EPB41L4A: variants seen among roughly 807,000 people sequenced by gnomAD.
EPB41L4A encodes the protein band 4.1-like protein 4A.
Under a neutral mutation model 108.6 loss-of-function variants are expected in EPB41L4A, and 100 were observed. The ratio of observed to expected loss-of-function variants is 0.92; its 90% CI spans 0.78 to 1.09. The LOEUF is 1.09. EPB41L4A is among the 50% of genes least tolerant of loss of function. The pLI is 0.00. For synonymous variants in EPB41L4A, 319 were observed against 289.0 expected (o/e 1.10, Z -1.05); for missense variants, 1,030 against 842.7 (o/e 1.22, Z -2.75).
chr5:112,392,401 C>CAAAAAAAAAAA (rs56256606), intron 1 of EPB41L4A, among the ~76,000 whole-genome samples: 9 of 35,902 alleles, frequency 2.5e-4, no homozygotes, highest in African/African-American at 6.0e-4. Context: ...AAATGGAAAG[C>CAAAAAAAAAAA]AAAAAAAAAA....
chr5:112,371,600 G>C (rs78410278), intron 1 of EPB41L4A, among the ~76,000 whole-genome samples: 5,125 of 152,182 alleles, frequency 0.034, 151 homozygotes, highest in African/African-American at 0.078. Context: ...CAGTCAGAAT[G>C]TCCAAGGACA....
At chr5:112,207,284 G>C (rs763783916) in intron 13 of EPB41L4A, among the ~76,000 whole-genome samples, 19 of 152,190 alleles carry the variant, frequency 1.2e-4, no homozygotes, top group Non-Finnish European at 2.5e-4. Context: ...ACTCAAGATA[G>C]ATTAAGAACT....
At chr5:112,385,257 A>G (rs888525335) in intron 1 of EPB41L4A, among the ~76,000 whole-genome samples, 4 of 152,348 alleles carry the variant, frequency 2.6e-5, no homozygotes, top group Non-Finnish European at 2.9e-5. Context: ...AGCTGTATCA[A>G]TTGGGGACCC....
At chr5:112,282,235 G>A (rs1399400930) in intron 2 of EPB41L4A, among the ~76,000 whole-genome samples, 10 of 152,212 alleles carry the variant, frequency 6.6e-5, no homozygotes, top group African/African-American at 2.4e-4. Flanking sequence ...GTTAAGCTGT[G>A]TGTTGGACAC....
At chr5:112,378,899 C>G (rs1759989744) in intron 1 of EPB41L4A, among the ~76,000 whole-genome samples, 1 of 152,180 alleles carries the variant, frequency 6.6e-6, no homozygotes, top group South Asian at 2.1e-4. Flanking sequence ...CTAACCCACA[C>G]TATTTTTGTA....
intron 1 of EPB41L4A, among the ~76,000 whole-genome samples, chr5:112,367,218 A>C (rs2112519499): frequency 6.6e-6 from 1 of 152,322 alleles, no homozygotes; most frequent in Non-Finnish European, 1.5e-5. Flanking sequence ...CACAGGCAAG[A>C]ACCTAACTCC....
chr5:112,371,921 G>A (rs1396874020), intron 1 of EPB41L4A, among the ~76,000 whole-genome samples: 1 of 152,084 alleles, frequency 6.6e-6, no homozygotes, highest in Non-Finnish European at 1.5e-5. Context: ...AGGGTGTGGT[G>A]GCATGCATCT....
chr5:112,349,159 C>T (rs1271765713), intron 1 of EPB41L4A, among the ~76,000 whole-genome samples: 1 of 152,004 alleles, frequency 6.6e-6, no homozygotes. Flanking sequence ...GGTGTGAGTG[C>T]CAGACAGAAA....
intron 12 of EPB41L4A, among the ~76,000 whole-genome samples, chr5:112,230,675 G>A (rs1282223790): frequency 6.6e-6 from 1 of 151,452 alleles, no homozygotes; most frequent in East Asian, 1.9e-4. Context: ...CAGTCTGTGG[G>A]TTGACTGTTT....
chr5:112,385,754 T>G (rs1162841668), intron 1 of EPB41L4A, among the ~76,000 whole-genome samples: 1 of 152,132 alleles, frequency 6.6e-6, no homozygotes, highest in Non-Finnish European at 1.5e-5. Context: ...CTCCCCAATA[T>G]ATTTTTTTAC....
chr5:112,271,226 A>G (rs1561529039), intron 4 of EPB41L4A, among the ~76,000 whole-genome samples: 1 of 152,218 alleles, frequency 6.6e-6, no homozygotes, highest in Non-Finnish European at 1.5e-5. Flanking sequence ...AGCACCTACA[A>G]TAAGAAGGAT....
intron 18 of EPB41L4A, among the ~76,000 whole-genome samples, chr5:112,177,733 C>G (rs1760941031): frequency 6.6e-6 from 1 of 151,934 alleles, no homozygotes; most frequent in Non-Finnish European, 1.5e-5. Context: ...TTAAATGTTA[C>G]AATATTCATC....
intron 12 of EPB41L4A, among the ~76,000 whole-genome samples, chr5:112,150,418 A>C (rs962381728): frequency 2.0e-5 from 3 of 152,206 alleles, no homozygotes; most frequent in Non-Finnish European, 4.4e-5. Context: ...GTGCATAACA[A>C]AAAAGCAAAA....
Position 112,250,387 on chromosome 5 carries a change from T to G in EPB41L4A, c.795+8842A>C, listed in dbSNP as rs546847644. On this transcript the variant is annotated intron_variant, in intron 9 of 22. Transcript: ENST00000261486. ...ACAGATATGAACATAGAAGTCCAAA[T>G]GGATTTTTCTGTGATAGTTTTCTAT... Among the ~76,000 whole-genome samples, 12 of 152,316 alleles carry G rather than the reference T, an allele frequency of 7.9e-5. No homozygotes were observed. In the South Asian group the frequency reaches 2.5e-3, roughly 32 times the overall value.
intron 12 of EPB41L4A, among the ~76,000 whole-genome samples, chr5:112,217,426 C>T (rs1747729774): frequency 6.6e-6 from 1 of 152,166 alleles, no homozygotes; most frequent in Non-Finnish European, 1.5e-5. Context: ...GGGCTGAATA[C>T]AGTAGCTCAC....
At chr5:112,189,597 T>TA (rs915231131) in intron 17 of EPB41L4A, among the ~76,000 whole-genome samples, 20 of 152,286 alleles carry the variant, frequency 1.3e-4, no homozygotes, top group African/African-American at 4.8e-4. Context: ...TTCCTCTAGT[T>TA]CTACTATTAC....
At chr5:112,319,184 G>A (rs539486778) in intron 1 of EPB41L4A, among the ~76,000 whole-genome samples, 4 of 152,246 alleles carry the variant, frequency 2.6e-5, no homozygotes, top group East Asian at 3.9e-4. Context: ...TAATGATGGA[G>A]GCATTTCAAA....
chr5:112,153,118 C>T (rs1176728091), intron 12 of EPB41L4A, among the ~76,000 whole-genome samples: 1 of 151,886 alleles, frequency 6.6e-6, no homozygotes, highest in Non-Finnish European at 1.5e-5. Flanking sequence ...ACTGAGGAGG[C>T]TGAGATGGGA....
chr5:112,151,878 A>C (rs2416274), intron 12 of EPB41L4A, among the ~76,000 whole-genome samples: 1 of 151,734 alleles, frequency 6.6e-6, no homozygotes, highest in East Asian at 1.9e-4. Flanking sequence ...TTACAGGCAC[A>C]TGCCACCACG....
Sources: gnomAD v4.1 joint callset for allele counts (sites outside exome capture counted in the v4.1 genomes callset) on GRCh38, gnomAD v4.1.1 for gene constraint, MANE v1.5 for transcripts, NCBI Gene and HGNC (gene_info 2026-07-23, HGNC 2026-07-21) for gene names.